The following KHDRBS3 variants were observed in gnomAD, a reference collection of about 807,000 sequenced individuals.
KHDRBS3 encodes KH domain-containing, RNA-binding, signal transduction-associated protein 3.
A neutral mutation model predicts 45.6 loss-of-function variants in KHDRBS3; 23 were observed. That is an observed-to-expected ratio of 0.50 (90% CI 0.36 to 0.72). The LOEUF (loss-of-function observed/expected upper bound fraction) is 0.72. Among genes scored for constraint, KHDRBS3 ranks in the 30% least tolerant of loss-of-function variants. The pLI is 0.00. For missense variants in KHDRBS3, 352 were observed against 424.8 expected (o/e 0.83, Z 1.51); for synonymous variants, 162 against 156.5 (o/e 1.04, Z -0.26).
At chr8:135,602,815 T>G (rs1225143202) in intron 6 of KHDRBS3, among the ~76,000 whole-genome samples, 2 of 152,324 alleles carry the variant, frequency 1.3e-5, no homozygotes, top group South Asian at 4.2e-4. Context: ...ACATGAATGA[T>G]GTCATCCAAA....
intron 4 of KHDRBS3, chr8:135,550,074 C>T (rs1826510523): frequency 6.6e-6 from 1 of 152,146 alleles, no homozygotes; most frequent in African/African-American, 2.4e-5. Context: ...AGATATGAGT[C>T]AGTTTTTCAT....
chr8:135,474,869 G>A (rs1013015010), intron 1 of KHDRBS3, among the ~76,000 whole-genome samples: 24 of 152,100 alleles, frequency 1.6e-4, no homozygotes, highest in African/African-American at 5.3e-4. Flanking sequence ...CTCATGTTAC[G>A]GTGTGGGCGC....
At chr8:135,566,113 A>G (rs1217018578) in intron 5 of KHDRBS3, among the ~76,000 whole-genome samples, 1 of 152,190 alleles carries the variant, frequency 6.6e-6, no homozygotes, top group Admixed American at 6.5e-5. Context: ...TCTATTTTAT[A>G]CATGATGAAA....
chr8:135,470,739 G>A (rs1229815315), intron 1 of KHDRBS3, among the ~76,000 whole-genome samples: 1 of 151,898 alleles, frequency 6.6e-6, no homozygotes, highest in African/African-American at 2.4e-5. Context: ...GTGCCCGCCA[G>A]CACACCCAGC....
chr8:135,580,773 C>T (rs1161401542), intron 5 of KHDRBS3, among the ~76,000 whole-genome samples: 6 of 151,960 alleles, frequency 3.9e-5, no homozygotes, highest in Non-Finnish European at 8.8e-5. Flanking sequence ...CCACCGTGCC[C>T]AGCTAATTTT....
intron 5 of KHDRBS3, among the ~76,000 whole-genome samples, chr8:135,572,811 C>T (rs1827768152): frequency 1.3e-5 from 2 of 152,354 alleles, no homozygotes; most frequent in South Asian, 4.1e-4. Flanking sequence ...ACAGTTTCTT[C>T]CCTGTGTTGT....
At chr8:135,557,374 A>T in intron 4 of KHDRBS3, 74 bp from the exon 5 acceptor site, 1 of 831,930 alleles carries the variant, frequency 1.2e-6, no homozygotes, top group Non-Finnish European at 1.8e-6. Flanking sequence ...ATTAAGAATT[A>T]CTTGCTTTTT....
rs934162400 is a variant in KHDRBS3, at chr8:135,647,323, A to C, written c.*239A>C. Reference sequence around the variant, plus strand: ...AAAAATAGGTCATCAAAAGGAAAAAAAATAACTTTGATTAACTAGTGTTAA... The same window carrying C: ...AAAAATAGGTCATCAAAAGGAAAAACAATAACTTTGATTAACTAGTGTTAA... On this transcript the variant is annotated 3_prime_UTR_variant, in exon 9 of 9. Transcript: ENST00000355849. 6.2e-6 allele frequency: 2 copies of C among 324,544 alleles called. No individual in the cohort carries two copies. The highest frequency in any genetic ancestry group is 4.3e-5 in the African/African-American group (2 of 46,868). 20.1% of individuals were successfully genotyped at this position (324,544 alleles called of 1,614,324 possible). A position where few individuals can be genotyped will look rare whatever the true frequency, so the allele number is the denominator to read the frequency against.
At chr8:135,585,708 A>G (rs1363285556) in intron 6 of KHDRBS3, among the ~76,000 whole-genome samples, 1 of 152,200 alleles carries the variant, frequency 6.6e-6, no homozygotes, top group Non-Finnish European at 1.5e-5. Flanking sequence ...GCTATGTAGA[A>G]CAATCATAAT....
rs1030087622 is a variant in KHDRBS3 at position 135,597,209 on chromosome 8, A to T, written c.808-9746A>T. On this transcript the variant is annotated intron_variant, in intron 6 of 8. Transcript: ENST00000355849. ...TGTCCCCACAGGGCAGAAGGGCAAA[A>T]TGGATGGCAGGGACTGGAGGGCCAG... is the stretch of plus-strand genomic sequence containing the variant. 5.3e-5 allele frequency among the ~76,000 whole-genome samples: 8 copies of T among 152,224 alleles called. 1 individual carries two copies. The East Asian group carries it at 1.2e-3, about 22-fold the overall frequency.
intron 5 of KHDRBS3, among the ~76,000 whole-genome samples, chr8:135,571,745 G>T (rs1289467764): frequency 6.6e-6 from 1 of 152,062 alleles, no homozygotes; most frequent in African/African-American, 2.4e-5. Context: ...GATTAGAGTT[G>T]GGGGAACTCT....
chr8:135,535,252 T>C, intron 2 of KHDRBS3, among the ~76,000 whole-genome samples: 1 of 143,752 alleles, frequency 7.0e-6, no homozygotes, highest in South Asian at 2.2e-4. Context: ...AGTTAAACTA[T>C]ATATAAACTA....
chr8:135,619,209 A>G (rs142128405), intron 7 of KHDRBS3, among the ~76,000 whole-genome samples: 154 of 152,340 alleles, frequency 1.0e-3, no homozygotes, highest in African/African-American at 3.3e-3. Flanking sequence ...TCCTTTATCT[A>G]TCATTTATAA....
intron 3 of KHDRBS3, among the ~76,000 whole-genome samples, chr8:135,547,671 T>G (rs1826378193): frequency 6.6e-6 from 1 of 152,230 alleles, no homozygotes; most frequent in Admixed American, 6.5e-5. Context: ...ATTATTGGCC[T>G]CTTGCTTAAT....
At chr8:135,487,078 A>G (rs1390191426) in intron 1 of KHDRBS3, among the ~76,000 whole-genome samples, 1 of 152,170 alleles carries the variant, frequency 6.6e-6, no homozygotes, top group Non-Finnish European at 1.5e-5. Context: ...AGCATTCTAT[A>G]TCTTTTAAAT....
intron 6 of KHDRBS3, among the ~76,000 whole-genome samples, chr8:135,599,814 G>A (rs1417919487): frequency 1.3e-5 from 2 of 152,230 alleles, no homozygotes; most frequent in African/African-American, 4.8e-5. Context: ...CCAAAAAGGT[G>A]ATGTCAGAGG....
chr8:135,628,706 A>G (rs192951832), intron 7 of KHDRBS3, among the ~76,000 whole-genome samples: 18 of 152,352 alleles, frequency 1.2e-4, no homozygotes, highest in African/African-American at 4.3e-4. Flanking sequence ...TTTCTAAATC[A>G]GTCTTGCCAG....
At chr8:135,554,164 T>C (rs1421199204) in intron 4 of KHDRBS3, among the ~76,000 whole-genome samples, 1 of 152,182 alleles carries the variant, frequency 6.6e-6, no homozygotes, top group African/African-American at 2.4e-5. Context: ...ACTACACTAT[T>C]GTTAAATGTA....
chr8:135,600,913 C>T (rs1008881995), intron 6 of KHDRBS3, among the ~76,000 whole-genome samples: 2 of 152,164 alleles, frequency 1.3e-5, no homozygotes, highest in African/African-American at 4.8e-5. Context: ...GTTGCCTAGG[C>T]TGGGTCTCAA....
Sources: gnomAD v4.1 joint callset for allele counts (sites outside exome capture counted in the v4.1 genomes callset) on GRCh38, gnomAD v4.1.1 for gene constraint, MANE v1.5 for transcripts, NCBI Gene and HGNC (gene_info 2026-07-23, HGNC 2026-07-21) for gene names.